OR1J2: variants seen among roughly 807,000 people sequenced by gnomAD.
The protein encoded by OR1J2 is olfactory receptor family 1 subfamily J member 2.
For synonymous variants in OR1J2, 142 were observed against 99.7 expected (o/e 1.42, Z -2.52); for missense variants, 304 against 246.1 (o/e 1.24, Z -1.57).
the OR1J2 span, among the ~76,000 whole-genome samples, chr9:122,494,435 G>A: frequency 6.6e-6 from 1 of 152,054 alleles, no homozygotes; most frequent in Non-Finnish European, 1.5e-5. Context: ...ATTATATAAT[G>A]TCCCTCTTTG....
At chr9:122,500,899 A>G in the OR1J2 span, among the ~76,000 whole-genome samples, 5 of 152,228 alleles carry the variant, frequency 3.3e-5, no homozygotes, top group African/African-American at 9.6e-5. Context: ...AGAATTAGTT[A>G]CAAACTAGTT....
chr9:122,488,462 A>G, the OR1J2 span, among the ~76,000 whole-genome samples: 1 of 152,144 alleles, frequency 6.6e-6, no homozygotes, highest in Non-Finnish European at 1.5e-5. Context: ...TCCTTCCCAC[A>G]TTCAATTTGG....
At chr9:122,552,058 C>CA in the OR1J2 span, among the ~76,000 whole-genome samples, 42 of 100,356 alleles carry the variant, frequency 4.2e-4, no homozygotes, top group African/African-American at 1.5e-3. Context: ...CACACATACA[C>CA]TCTCTCTCTC....
At chr9:122,463,001 A>T in the OR1J2 span, among the ~76,000 whole-genome samples, 1 of 152,148 alleles carries the variant, frequency 6.6e-6, no homozygotes, top group African/African-American at 2.4e-5. Context: ...TTCCTCAATT[A>T]TTCTCTCAAA....
chr9:122,457,298 G>A, the OR1J2 span, among the ~76,000 whole-genome samples: 1 of 152,026 alleles, frequency 6.6e-6, no homozygotes, highest in Non-Finnish European at 1.5e-5. Flanking sequence ...TGGGCTGATT[G>A]ATAGGTGCAA....
At chr9:122,520,176 ACT>A in the OR1J2 span, 1 of 826,024 alleles carries the variant, frequency 1.2e-6, no homozygotes, top group Non-Finnish European at 1.8e-6. Context: ...GTGCTCAGTA[ACT>A]CTCTGATGAC....
chr9:122,494,016 C>A, the OR1J2 span, among the ~76,000 whole-genome samples: 4 of 152,086 alleles, frequency 2.6e-5, no homozygotes, highest in African/African-American at 9.7e-5. Flanking sequence ...GAGTTGATTT[C>A]CAATTTTATT....
downstream of OR1J2, among the ~76,000 whole-genome samples, chr9:122,516,001 G>A (rs191277936): frequency 3.1e-4 from 47 of 152,128 alleles, no homozygotes; most frequent in African/African-American, 1.0e-3. Flanking sequence ...TCTCATATAC[G>A]ACACCTTCTA....
chr9:122,487,520 G>A, the OR1J2 span, among the ~76,000 whole-genome samples: 4 of 151,728 alleles, frequency 2.6e-5, no homozygotes, highest in African/African-American at 9.7e-5. Flanking sequence ...GTAAGCATTG[G>A]TCTTACCTAG....
At chr9:122,538,339 C>G in the OR1J2 span, among the ~76,000 whole-genome samples, 1 of 152,278 alleles carries the variant, frequency 6.6e-6, no homozygotes, top group South Asian at 2.1e-4. Context: ...AAGTCTTTCA[C>G]TTCCTTGGTT....
At chr9:122,558,311 C>CT in the OR1J2 span, among the ~76,000 whole-genome samples, 333 of 34,468 alleles carry the variant, frequency 9.7e-3, 69 homozygotes, top group South Asian at 0.027. Flanking sequence ...TTGGATTTTG[C>CT]TTTTTTTTTT....
chr9:122,475,781 G>A, the OR1J2 span: 1 of 152,262 alleles, frequency 6.6e-6, no homozygotes, highest in East Asian at 1.9e-4. Flanking sequence ...ATAAAACCTT[G>A]TGTGTCTGGA....
the OR1J2 span, chr9:122,526,473 G>A: frequency 6.4e-7 from 1 of 1,566,702 alleles, no homozygotes; most frequent in South Asian, 1.2e-5. Flanking sequence ...GGTGTACATT[G>A]CAGCTGCTGC....
chr9:122,516,156 TTCTG>T (rs1828697578), downstream of OR1J2, among the ~76,000 whole-genome samples: 1 of 152,160 alleles, frequency 6.6e-6, no homozygotes, highest in Non-Finnish European at 1.5e-5. Context: ...TTTGAATCCC[TTCTG>T]TCTGACTTCA....
the OR1J2 span, among the ~76,000 whole-genome samples, chr9:122,544,346 G>A: frequency 6.7e-6 from 1 of 149,482 alleles, no homozygotes; most frequent in African/African-American, 2.5e-5. Flanking sequence ...GGTTTTAAAA[G>A]CTCTATTTTT....
chr9:122,494,658 A>C, the OR1J2 span, among the ~76,000 whole-genome samples: 1 of 152,138 alleles, frequency 6.6e-6, no homozygotes, highest in Admixed American at 6.5e-5. Context: ...TCTTTTAAGT[A>C]GAGCATTTAG....
upstream of OR1J2, among the ~76,000 whole-genome samples, chr9:122,510,221 G>C (rs968249207): frequency 2.0e-5 from 3 of 152,132 alleles, no homozygotes; most frequent in African/African-American, 7.2e-5. Context: ...CATGGCTGGT[G>C]AAGTCAGATC....
At chr9:122,484,099 C>T in the OR1J2 span, among the ~76,000 whole-genome samples, 13 of 152,020 alleles carry the variant, frequency 8.6e-5, no homozygotes, top group Non-Finnish European at 1.6e-4. Flanking sequence ...CATCAATTTC[C>T]AAGGTTCTCT....
chr9:122,574,100 A>G, the OR1J2 span, among the ~76,000 whole-genome samples: 1 of 152,034 alleles, frequency 6.6e-6, no homozygotes, highest in African/African-American at 2.4e-5. Flanking sequence ...TTGCCAGTAT[A>G]TATTGTCTTG....
Sources: gnomAD v4.1 joint callset for allele counts (sites outside exome capture counted in the v4.1 genomes callset) on GRCh38, gnomAD v4.1.1 for gene constraint, MANE v1.5 for transcripts, NCBI Gene and HGNC (gene_info 2026-07-23, HGNC 2026-07-21) for gene names.